Variants in CEP126 observed in about 807,000 individuals in gnomAD.
CEP126 encodes centrosomal protein of 126 kDa.
A neutral mutation model predicts 107.8 loss-of-function variants in CEP126; 74 were observed. The ratio of observed to expected loss-of-function variants is 0.69; its 90% confidence interval spans 0.57 to 0.83. CEP126 has a LOEUF of 0.83. CEP126 is among the 40% of genes least tolerant of loss of function. The pLI is 0.00. For synonymous variants in CEP126, 449 were observed against 446.0 expected (o/e 1.01, Z -0.08); for missense variants, 1,237 against 1,281.9 (o/e 0.96, Z 0.53).
rs773902154 is a variant in CEP126, at chr11:101,958,250, G to A, written c.589G>A (p.Glu197Lys). The change falls in exon 5 of 11, where the codon GAG becomes AAG. Residue 197 changes from glutamate (E) to lysine (K), a missense_variant. Physicochemically the swap from Glu to Lys is moderately conservative, Grantham distance 56. Transcript: ENST00000263468. ...QKQLLSKINCEKEMNENMRAT... is the reference protein window; with the variant it reads ...QKQLLSKINCKKEMNENMRAT... Reference sequence around the variant, plus strand: ...ACAACTCTTATCCAAAATCAATTGTGAGAAAGAAATGAATGAAAACATGAG... The same window carrying A: ...ACAACTCTTATCCAAAATCAATTGTAAGAAAGAAATGAATGAAAACATGAG... 1 of 1,613,864 alleles carries A rather than the reference G, an allele frequency of 6.2e-7. No homozygotes were observed. The highest frequency in any genetic ancestry group is 8.5e-7 in the Non-Finnish European group (1 of 1,179,930).
At chr11:101,959,138 C>G (rs913995164) in intron 5 of CEP126, among the ~76,000 whole-genome samples, 11 of 151,946 alleles carry the variant, frequency 7.2e-5, no homozygotes, top group Non-Finnish European at 1.6e-4. Context: ...AAACTTAACA[C>G]TTTTTTCTTT....
At chr11:101,956,383 A>G (rs188264250) in intron 4 of CEP126, 24 of 456,230 alleles carry the variant, frequency 5.3e-5, no homozygotes, top group Non-Finnish European at 4.4e-6. Context: ...CGTTGCCTGC[A>G]CATCCTGCTA....
intron 10 of CEP126, among the ~76,000 whole-genome samples, chr11:101,997,315 C>A (rs918117216): frequency 6.6e-6 from 1 of 152,184 alleles, no homozygotes; most frequent in African/African-American, 2.4e-5. Flanking sequence ...GGATTACAGG[C>A]GTTAGCCACT....
chr11:101,957,835 A>G (rs1281962763), intron 4 of CEP126, among the ~76,000 whole-genome samples: 6 of 152,212 alleles, frequency 3.9e-5, no homozygotes, highest in Non-Finnish European at 8.8e-5. Flanking sequence ...GAATGCTCTT[A>G]AAGACCTGAG....
At chr11:101,959,231 A>G (rs1427133359) in intron 5 of CEP126, among the ~76,000 whole-genome samples, 1 of 151,068 alleles carries the variant, frequency 6.6e-6, no homozygotes, top group Non-Finnish European at 1.5e-5. Flanking sequence ...ATCTCGGCTC[A>G]CTGCAACCTC....
In CEP126 at chr11:101,943,295, C is replaced by T. The variant is rs75058854; in HGVS notation, c.249-970C>T. Among the ~76,000 whole-genome samples the T allele has an allele frequency of 2.6e-5, 4 of 152,094 alleles. No homozygotes were observed. The South Asian group carries it at 6.2e-4, about 24-fold the overall frequency. ...CACTTGGAGATCTGTAGTCCTCTAT[C>T]GCCTGAAAGTATATATAGTTCCCTT... On this transcript the variant is annotated intron_variant, in intron 2 of 10. Coordinates refer to ENST00000263468, the MANE Select transcript of CEP126 (RefSeq NM_020802.4).
At chr11:101,964,220 TTGAACC>T (rs1941031376) in intron 6 of CEP126, among the ~76,000 whole-genome samples, 1 of 150,684 alleles carries the variant, frequency 6.6e-6, no homozygotes, top group Middle Eastern at 3.3e-3. Flanking sequence ...GAAGAATTGC[TTGAACC>T]TGGGAGGTAG....
chr11:101,978,249 T>G, intron 6 of CEP126, 98 bp from the exon 7 acceptor site: 1 of 742,702 alleles, frequency 1.3e-6, no homozygotes, highest in Non-Finnish European at 2.3e-6. Context: ...ACTTACAGAG[T>G]TTTCTTGATA....
rs762455159 is a variant in CEP126 at position 101,962,763 on chromosome 11, A to G, written c.1728A>G (p.Lys576=). Residue 576 remains lysine, a synonymous_variant, in exon 6 of 11, where the codon AAA becomes AAG. Coordinates refer to ENST00000263468, the MANE Select transcript of CEP126 (RefSeq NM_020802.4). Reference sequence around the variant, plus strand: ...AGAGAAATGGTGTGAGATTTCTTAAAAGTATTTTAAAGAAAGAATCTAAAT... The same window carrying G: ...AGAGAAATGGTGTGAGATTTCTTAAGAGTATTTTAAAGAAAGAATCTAAAT... ...IHERNGVRFL[K]SILKKESKYE... 5.0e-6 allele frequency: 8 copies of G among 1,605,960 alleles called. No individual in the cohort carries two copies. Among genetic ancestry groups the G allele is most frequent in the Admixed American group, 1.7e-5 (1 of 58,210 alleles).
intron 4 of CEP126, among the ~76,000 whole-genome samples, chr11:101,953,615 G>A (rs541155910): frequency 1.3e-5 from 2 of 152,142 alleles, no homozygotes; most frequent in South Asian, 2.1e-4. Context: ...ATGTGATGAT[G>A]CGGAAACCAA....
chr11:101,927,742 C>T (rs1940434091), intron 2 of CEP126, among the ~76,000 whole-genome samples: 1 of 152,058 alleles, frequency 6.6e-6, no homozygotes, highest in African/African-American at 2.4e-5. Flanking sequence ...CTTTTTCATT[C>T]TTATTGCTGA....
Position 101,962,935 on chromosome 11 carries a change from G to T in CEP126, c.1900G>T (p.Asp634Tyr). 6.2e-7 allele frequency: 1 copy of T among 1,609,740 alleles called. No individual in the cohort carries two copies. Among genetic ancestry groups the T allele is most frequent in the South Asian group, 1.1e-5 (1 of 89,584 alleles). ...GACCATTAAAAAACTGAGGTGGTTT[G>T]ATGAAACTAGCAATATAGAAAACAA... ...PKTIKKLRWF[D>Y]ETSNIENNAE... Residue 634 changes from aspartate (D) to tyrosine (Y), a missense_variant, in exon 6 of 11, where the codon GAT (aspartate) becomes TAT (tyrosine). Physicochemically the swap from Asp to Tyr is radical, Grantham distance 160. Around this residue, in one of 3 missense-constraint regions of CEP126, gnomAD observed 1,134 missense variants for 1,150.5 expected, o/e 0.99. Coordinates refer to ENST00000263468, the MANE Select transcript of CEP126 (RefSeq NM_020802.4).
At position 101,963,029 on chromosome 11, in the gene CEP126, T is replaced by G. The variant is rs1406769986; in HGVS notation, c.1994T>G (p.Ile665Ser). 2 of 1,613,938 alleles carry G rather than the reference T, an allele frequency of 1.2e-6. No homozygotes were observed. Among genetic ancestry groups the G allele is most frequent in the African/African-American group, 1.3e-5 (1 of 74,930 alleles). ...CAACAGCATTCTCAACAATTCCACA[T>G]TCAAAGTGGTGCTGGAAGCAACATA... ...TTQQHSQQFH[I>S]QSGAGSNIIS... The change falls in exon 6 of 11, where the codon ATT becomes AGT. Residue 665 changes from isoleucine to serine, a missense_variant. This residue lies in a region of CEP126 where 1,134 missense variants were observed against 1,150.5 expected (regional missense o/e 0.99). Transcript: ENST00000263468.
chr11:101,946,143 C>CT (rs1006338195), intron 3 of CEP126, among the ~76,000 whole-genome samples: 11 of 148,460 alleles, frequency 7.4e-5, no homozygotes, highest in Non-Finnish European at 1.0e-4. Context: ...CATATTCATC[C>CT]TTTTTTTTTT....
intron 2 of CEP126, among the ~76,000 whole-genome samples, chr11:101,933,198 C>T (rs1352666120): frequency 6.6e-6 from 1 of 152,134 alleles, no homozygotes; most frequent in Non-Finnish European, 1.5e-5. Context: ...TGTGCTGACA[C>T]AGACACTGAA....
chr11:101,989,062 A>G (rs1382913422), intron 9 of CEP126, among the ~76,000 whole-genome samples: 1 of 152,146 alleles, frequency 6.6e-6, no homozygotes, highest in Non-Finnish European at 1.5e-5. Context: ...TGAACCATGT[A>G]TAAGACCATG....
At chr11:101,946,056 T>C (rs1940732102) in intron 3 of CEP126, among the ~76,000 whole-genome samples, 1 of 152,090 alleles carries the variant, frequency 6.6e-6, no homozygotes, top group African/African-American at 2.4e-5. Context: ...TTTAAATAAT[T>C]ATGGTAAGAG....
At chr11:101,954,913 A>G (rs1380153355) in intron 4 of CEP126, among the ~76,000 whole-genome samples, 1 of 152,196 alleles carries the variant, frequency 6.6e-6, no homozygotes, top group Non-Finnish European at 1.5e-5. Flanking sequence ...ATAAACTACT[A>G]TCACATTAAA....
At chr11:101,988,410 A>G (rs1941338491) in intron 9 of CEP126, among the ~76,000 whole-genome samples, 1 of 152,176 alleles carries the variant, frequency 6.6e-6, no homozygotes, top group Non-Finnish European at 1.5e-5. Context: ...TAGAGCTTAA[A>G]AGACACAAAA....
Sources: gnomAD v4.1 joint callset for allele counts (sites outside exome capture counted in the v4.1 genomes callset) on GRCh38, gnomAD v4.1.1 for gene constraint, gnomAD v4.1.1 regional missense constraint, MANE v1.5 for transcripts, NCBI Gene and HGNC (gene_info 2026-07-23, HGNC 2026-07-21) for gene names.